ANKRD28: variants seen among roughly 807,000 people sequenced by gnomAD.
ANKRD28 encodes the protein serine/threonine-protein phosphatase 6 regulatory ankyrin repeat subunit A.
In ANKRD28, 44 loss-of-function variants were observed where a neutral mutation model predicts 126.5. That is an observed-to-expected ratio of 0.35 (90% CI 0.27 to 0.45). The LOEUF (loss-of-function observed/expected upper bound fraction) is 0.45. ANKRD28 is among the 20% of genes least tolerant of loss of function. The pLI is 1.00. For synonymous variants in ANKRD28, 442 were observed against 468.5 expected, an observed-to-expected ratio of 0.94 and a Z score of 0.73; for missense variants, 1,110 against 1,316.6, an observed-to-expected ratio of 0.84 and a Z score of 2.43.
Position 15,797,031 on chromosome 3 carries a change from T to TA in ANKRD28, c.-511dup. 1 of 985,092 alleles carries TA rather than the reference T, an allele frequency of 1.0e-6. No individual in the cohort carries two copies. Among genetic ancestry groups the TA allele is most frequent in the Non-Finnish European group, 1.2e-6 (1 of 829,804 alleles). The allele number at this position is 985,092 out of a possible 1,614,324, so 61.0% of individuals were successfully genotyped here. A position where few individuals can be genotyped will look rare whatever the true frequency, so the allele number is the denominator to read the frequency against. On this transcript the variant is annotated 5_prime_UTR_variant, in exon 1 of 28. Transcript: ENST00000683139. ...TAGCTGTTTTGCTTATAATTGAAAATAAAAAATAAAATCTCACTATTCTGT... is the reference window on the plus strand; with the variant it reads ...TAGCTGTTTTGCTTATAATTGAAAATAAAAAAATAAAATCTCACTATTCTGT...
chr3:15,859,405 G>T, exon 1 of ANKRD28: 1 of 1,527,016 alleles, frequency 6.5e-7, no homozygotes, highest in African/African-American at 1.4e-5. Context: ...GAACGCCATG[G>T]CGGTCGCCTC....
Position 15,720,265 on chromosome 3 carries a change from AGTT to A in ANKRD28, c.996+647_996+649del, listed in dbSNP as rs749945288. ...TATTCCTTATGTGCAACACACTGACAGTTTTTTTTCCCTAACACTGTAAAATTT... is the reference window on the plus strand; with the variant it reads ...TATTCCTTATGTGCAACACACTGACATTTTTTCCCTAACACTGTAAAATTT... On this transcript the variant is annotated intron_variant, in intron 8 of 27. Transcript: ENST00000683139. 8.1e-4 allele frequency among the ~76,000 whole-genome samples: 123 copies of A among 152,244 alleles called. 1 individual carries two copies. The highest frequency in any genetic ancestry group is 1.5e-3 in the Non-Finnish European group (102 of 68,006).
In ANKRD28 at chr3:15,816,332, TAGCAGTAA is replaced by T. The variant is rs2060830731; in HGVS notation, c.28-21034_28-21027del. Among the ~76,000 whole-genome samples the T allele has an allele frequency of 6.6e-6, 1 of 152,218 alleles. No individual in the cohort carries two copies. Among genetic ancestry groups the T allele is most frequent in the South Asian group, 2.1e-4 (1 of 4,834 alleles). Reference sequence around the variant, plus strand: ...ATTTATATGCTAAATGCACGGAATATAGCAGTAAACACAAGAATAGTTTCAGGTTTCAT... The same window carrying T: ...ATTTATATGCTAAATGCACGGAATATACACAAGAATAGTTTCAGGTTTCAT... On this transcript the variant is annotated intron_variant, in intron 1 of 27. Coordinates refer to the ANKRD28 transcript ENST00000399451. This position sits in a 1 kb window ranked among gnomAD's most constrained non-coding sequence, Gnocchi z 5.0.
intron 18 of ANKRD28, 140 bp downstream of exon 18, chr3:15,689,879 G>C: frequency 2.9e-6 from 2 of 699,774 alleles, no homozygotes; most frequent in East Asian, 5.5e-5. Flanking sequence ...TATTTGGTGA[G>C]GTCAAATAAT....
intron 18 of ANKRD28, among the ~76,000 whole-genome samples, chr3:15,688,870 C>T (rs1394642936): frequency 6.6e-6 from 1 of 152,166 alleles, no homozygotes; most frequent in Non-Finnish European, 1.5e-5. Context: ...TAAAGCCTGT[C>T]TGCATAAATG....
At chr3:15,777,271 C>CAAAAAAAA (rs148444429) in intron 2 of ANKRD28, among the ~76,000 whole-genome samples, 2 of 111,642 alleles carry the variant, frequency 1.8e-5, no homozygotes, top group Non-Finnish European at 3.7e-5. Flanking sequence ...GACTCCGTCT[C>CAAAAAAAA]AAAAAAAAAA....
chr3:15,697,956 C>G (rs2069909423), intron 14 of ANKRD28, among the ~76,000 whole-genome samples: 1 of 152,054 alleles, frequency 6.6e-6, no homozygotes, highest in Admixed American at 6.6e-5. Flanking sequence ...CTGGTTTAGT[C>G]TTGGGAGGGT....
intron 1 of ANKRD28, among the ~76,000 whole-genome samples, chr3:15,822,204 A>T (rs1228636054): frequency 6.6e-6 from 1 of 152,220 alleles, no homozygotes; most frequent in Non-Finnish European, 1.5e-5. Context: ...AGACTAGGAC[A>T]GAACTGTAAG....
At chr3:15,688,091 G>C (rs1559337975) in intron 18 of ANKRD28, among the ~76,000 whole-genome samples, 1 of 152,162 alleles carries the variant, frequency 6.6e-6, no homozygotes, top group South Asian at 2.1e-4. Flanking sequence ...GATTTATGCT[G>C]AACTATATGG....
chr3:15,851,541 G>A (rs2061650067), intron 1 of ANKRD28, among the ~76,000 whole-genome samples: 1 of 145,394 alleles, frequency 6.9e-6, no homozygotes, highest in African/African-American at 2.7e-5. Context: ...GAGACTCTGT[G>A]TCAAAATAAA....
At chr3:15,832,404 C>A (rs562882894) in intron 1 of ANKRD28, among the ~76,000 whole-genome samples, 17 of 152,136 alleles carry the variant, frequency 1.1e-4, no homozygotes, top group Non-Finnish European at 2.2e-4. Context: ...TCTTTAAGCT[C>A]AAGATTAGGT....
At chr3:15,699,456 A>G (rs1180241981) in intron 14 of ANKRD28, among the ~76,000 whole-genome samples, 7 of 152,214 alleles carry the variant, frequency 4.6e-5, no homozygotes, top group African/African-American at 1.4e-4. Context: ...TGAACAGGCA[A>G]TCTACAGAAT....
intron 1 of ANKRD28, among the ~76,000 whole-genome samples, chr3:15,849,917 G>A (rs1020787504): frequency 2.0e-5 from 3 of 151,880 alleles, no homozygotes; most frequent in South Asian, 2.1e-4. Flanking sequence ...TGTCAATGTG[G>A]TTTCTAGACT....
chr3:15,810,261 A>C (rs989973776), intron 1 of ANKRD28, among the ~76,000 whole-genome samples: 42 of 152,066 alleles, frequency 2.8e-4, no homozygotes, highest in Non-Finnish European at 5.0e-4. Flanking sequence ...AACTGGGACA[A>C]CTTCTCTGGG....
chr3:15,706,002 A>T (rs2126004626), intron 14 of ANKRD28, among the ~76,000 whole-genome samples: 1 of 151,520 alleles, frequency 6.6e-6, no homozygotes, highest in African/African-American at 2.4e-5. Flanking sequence ...TTCCATCTCA[A>T]AACGAAACAA....
intron 8 of ANKRD28, among the ~76,000 whole-genome samples, chr3:15,719,264 T>C (rs1415446902): frequency 1.3e-5 from 2 of 152,210 alleles, no homozygotes; most frequent in Non-Finnish European, 2.9e-5. Flanking sequence ...CGTGGCATCA[T>C]TAAAGGCTTC....
At position 15,756,719 on chromosome 3, in the gene ANKRD28, G is replaced by A. The variant is rs141459817; in HGVS notation, c.281-4899C>T. Among the ~76,000 whole-genome samples the A allele has an allele frequency of 3.4e-4, 52 of 152,172 alleles. No individual in the cohort carries two copies. In the East Asian group the frequency reaches 8.3e-3, roughly 24 times the overall value. ...GTGTGTGGTGAGGTGAGGGGGAGGT[G>A]GATATGAATATGTATGGACAGGATT... is the stretch of plus-strand genomic sequence containing the variant. On this transcript the variant is annotated intron_variant, in intron 3 of 27. Transcript: ENST00000683139.
chr3:15,726,955 C>T (rs1369238818), intron 6 of ANKRD28, among the ~76,000 whole-genome samples: 1 of 152,194 alleles, frequency 6.6e-6, no homozygotes, highest in Admixed American at 6.5e-5. Context: ...GATGACAACA[C>T]ATCTGTTTAT....
At chr3:15,858,951 G>A (rs1205952170) in intron 1 of ANKRD28, among the ~76,000 whole-genome samples, 1 of 152,194 alleles carries the variant, frequency 6.6e-6, no homozygotes, top group Non-Finnish European at 1.5e-5. Flanking sequence ...CCCGGAGAGA[G>A]AGTCCCTCGC....
Sources: allele counts gnomAD v4.1 joint callset (sites outside exome capture counted in the v4.1 genomes callset), GRCh38; gene constraint gnomAD v4.1.1; non-coding constraint Gnocchi (gnomAD v3.1); transcripts MANE v1.5; gene names NCBI Gene and HGNC (gene_info 2026-07-23, HGNC 2026-07-21).